Variants in CEP85L observed in about 807,000 individuals in gnomAD.
CEP85L encodes centrosomal protein 85L.
CEP85L carries 60 observed loss-of-function variants against 100.3 expected under a neutral mutation model. The ratio of observed to expected loss-of-function variants is 0.60; its 90% CI spans 0.49 to 0.74. CEP85L has a LOEUF of 0.74. Ranked by LOEUF, CEP85L falls within the 30% of genes least tolerant of loss-of-function variation. CEP85L has a pLI of 0.00. For missense variants in CEP85L, 973 were observed against 936.2 expected (o/e 1.04, Z -0.51); for synonymous variants, 319 against 322.7 (o/e 0.99, Z 0.12).
At chr6:118,571,099 TA>T (rs1258419628) in intron 2 of CEP85L, among the ~76,000 whole-genome samples, 1 of 152,156 alleles carries the variant, frequency 6.6e-6, no homozygotes, top group East Asian at 1.9e-4. Flanking sequence ...AAAGGGTCAT[TA>T]TTATACCTTA....
At chr6:118,646,000 C>T (rs927061600) in intron 1 of CEP85L, among the ~76,000 whole-genome samples, 2 of 152,038 alleles carry the variant, frequency 1.3e-5, no homozygotes, top group African/African-American at 4.8e-5. Context: ...TGGCAGATCA[C>T]GAGGTCAGGA....
At chr6:118,615,005 C>A (rs996804335) in intron 2 of CEP85L, among the ~76,000 whole-genome samples, 3 of 152,278 alleles carry the variant, frequency 2.0e-5, no homozygotes, top group Admixed American at 1.3e-4. Context: ...ATATAATTTA[C>A]AATCACTCCA....
upstream of CEP85L, chr6:118,652,418 A>G (rs545788248): frequency 7.0e-5 from 79 of 1,136,472 alleles, 1 homozygote; most frequent in South Asian, 1.7e-3. Flanking sequence ...CACTGGCAAT[A>G]TGGTGATGCT....
rs559779135 is a variant in CEP85L at position 118,597,744 on chromosome 6, C to T, written c.233-31428G>A. ...TTCTGGAGACTTATGAAAAAGATAACGACTATAGTCATCTATTCAGTGGTG... is the reference window on the plus strand; with the variant it reads ...TTCTGGAGACTTATGAAAAAGATAATGACTATAGTCATCTATTCAGTGGTG... On this transcript the variant is annotated intron_variant, in intron 2 of 12. Coordinates refer to ENST00000368491, the MANE Select transcript of CEP85L (RefSeq NM_001042475.3). Among the ~76,000 whole-genome samples the T allele has an allele frequency of 5.9e-5, 9 of 152,154 alleles. No homozygotes were observed. The South Asian group carries it at 1.4e-3, about 25-fold the overall frequency.
At chr6:118,681,626 G>A (rs1448518038) in intron 1 of CEP85L, among the ~76,000 whole-genome samples, 1 of 151,776 alleles carries the variant, frequency 6.6e-6, no homozygotes, top group East Asian at 1.9e-4. Flanking sequence ...AAATTTTCCT[G>A]CAATGTCACT....
chr6:118,599,270 T>G (rs551125958), intron 2 of CEP85L, among the ~76,000 whole-genome samples: 3 of 152,182 alleles, frequency 2.0e-5, no homozygotes, highest in African/African-American at 7.2e-5. Context: ...TACCCAAAAG[T>G]AAGGAAGTGC....
intron 6 of CEP85L, among the ~76,000 whole-genome samples, chr6:118,489,996 C>T (rs969245918): frequency 1.3e-5 from 2 of 151,684 alleles, no homozygotes; most frequent in Admixed American, 1.3e-4. Context: ...CACACACACA[C>T]GCACACACAC....
chr6:118,499,557 G>C (rs141183128), intron 5 of CEP85L, among the ~76,000 whole-genome samples: 1 of 151,956 alleles, frequency 6.6e-6, no homozygotes, highest in East Asian at 1.9e-4. Context: ...CTAGCTACTC[G>C]GGAGGCTGAG....
chr6:118,562,246 C>A (rs1223992302), intron 3 of CEP85L, among the ~76,000 whole-genome samples: 1 of 152,126 alleles, frequency 6.6e-6, no homozygotes, highest in Admixed American at 6.5e-5. Flanking sequence ...AGAAAACTTT[C>A]TGTTCACAGG....
Position 118,632,510 on chromosome 6 carries a change from T to C in CEP85L, c.175A>G (p.Ile59Val), listed in dbSNP as rs1458183915. Reference protein sequence around the residue: ...HRNNHIRRHSIASDSGDTGIG... With the variant: ...HRNNHIRRHSVASDSGDTGIG... Reference sequence around the variant, plus strand: ...CCAGTGTCTCCACTGTCAGAAGCTATACTGTGTCTCCTGATATGGTTATTT... The same window carrying C: ...CCAGTGTCTCCACTGTCAGAAGCTACACTGTGTCTCCTGATATGGTTATTT... Residue 59 changes from isoleucine (I) to valine (V), a missense_variant, in exon 2 of 13, where the codon ATA becomes GTA. Physicochemically the swap from Ile to Val is conservative, Grantham distance 29. This residue lies in a region of CEP85L where 4 missense variants were observed against 18.3 expected (regional missense o/e 0.22). Transcript: ENST00000368491. The C allele has an allele frequency of 1.2e-6, 2 of 1,613,232 alleles. No individual in the cohort carries two copies. Among genetic ancestry groups the C allele is most frequent in the Non-Finnish European group, 1.7e-6 (2 of 1,179,524 alleles).
In CEP85L at chr6:118,515,011, A is replaced by G. The variant is rs146855667; in HGVS notation, c.1140-3596T>C. ...AATTTTGTGAAGGTGAAATCTCACT[A>G]TGTTGCCCAGGCTGGTCTCAAACTC... On this transcript the variant is annotated intron_variant, in intron 4 of 12. Transcript: ENST00000368491. Among the ~76,000 whole-genome samples, 562 of 151,528 alleles carry G rather than the reference A, an allele frequency of 3.7e-3. 3 individuals carry two copies. Among genetic ancestry groups the G allele is most frequent in the African/African-American group, 0.013 (538 of 41,328 alleles).
intron 2 of CEP85L, among the ~76,000 whole-genome samples, chr6:118,583,674 A>G (rs1780701242): frequency 6.6e-6 from 1 of 152,156 alleles, no homozygotes; most frequent in Non-Finnish European, 1.5e-5. Flanking sequence ...CTAACCAGAG[A>G]TATTATCCCT....
intron 1 of CEP85L, among the ~76,000 whole-genome samples, chr6:118,665,435 T>G (rs1356572236): frequency 6.6e-6 from 1 of 152,154 alleles, no homozygotes; most frequent in East Asian, 1.9e-4. Context: ...CTCAGTTCAC[T>G]GCAGCCTCAA....
At chr6:118,475,347 A>ATATCTTTTTTTTTTTTTTTTTTTT (rs1470175603) in intron 10 of CEP85L, among the ~76,000 whole-genome samples, 1 of 79,038 alleles carries the variant, frequency 1.3e-5, no homozygotes, top group African/African-American at 5.1e-5. Context: ...TGTAGGTGAC[A>ATATCTTTTTTTTTTTTTTTTTTTT]TTTTTTTTTT....
At chr6:118,513,636 C>A (rs1776096557) in intron 4 of CEP85L, among the ~76,000 whole-genome samples, 1 of 151,804 alleles carries the variant, frequency 6.6e-6, no homozygotes, top group African/African-American at 2.4e-5. Flanking sequence ...ACAAAAAAAA[C>A]CTGTTAACCT....
At chr6:118,586,300 C>T (rs1182378574) in intron 2 of CEP85L, among the ~76,000 whole-genome samples, 2 of 152,194 alleles carry the variant, frequency 1.3e-5, no homozygotes, top group Non-Finnish European at 2.9e-5. Flanking sequence ...GACACACTTT[C>T]CTTACCAATG....
intron 1 of CEP85L, among the ~76,000 whole-genome samples, chr6:118,637,450 C>G (rs963388518): frequency 2.6e-5 from 4 of 151,616 alleles, no homozygotes; most frequent in Non-Finnish European, 5.9e-5. Context: ...GTAATCCCAG[C>G]ACTTTGGGAG....
chr6:118,620,443 G>C (rs772549711), intron 2 of CEP85L, among the ~76,000 whole-genome samples: 37 of 152,282 alleles, frequency 2.4e-4, no homozygotes, highest in African/African-American at 8.9e-4. Flanking sequence ...CAATCACCTG[G>C]TAGGGCTTGT....
chr6:118,682,301 T>C (rs1350873681), intron 1 of CEP85L, among the ~76,000 whole-genome samples: 1 of 152,114 alleles, frequency 6.6e-6, no homozygotes, highest in East Asian at 1.9e-4. Context: ...TAAAAGGAAG[T>C]AGCTGTTCTT....
Sources: allele counts gnomAD v4.1 joint callset (sites outside exome capture counted in the v4.1 genomes callset), GRCh38; gene constraint gnomAD v4.1.1; regional missense constraint gnomAD v4.1.1; transcripts MANE v1.5; gene names NCBI Gene and HGNC (gene_info 2026-07-23, HGNC 2026-07-21).